Variants in CILK1 observed in about 807,000 individuals in gnomAD.
CILK1 encodes serine/threonine-protein kinase ICK.
A neutral mutation model predicts 79.2 loss-of-function variants in CILK1; 47 were observed. The observed-to-expected ratio is 0.59, with a 90% CI of 0.47 to 0.76. The LOEUF (loss-of-function observed/expected upper bound fraction) is 0.76, where lower values mean the gene tolerates loss of function less well. CILK1 is among the 30% of genes least tolerant of loss of function. The pLI, the probability that CILK1 is intolerant of heterozygous loss-of-function variation, is 0.00. For missense variants in CILK1, 660 were observed against 769.5 expected, an observed-to-expected ratio of 0.86 and a Z score of 1.68; for synonymous variants, 266 against 275.9, an observed-to-expected ratio of 0.96 and a Z score of 0.36.
At chr6:53,035,080 T>C (rs1211988226) in intron 3 of CILK1, among the ~76,000 whole-genome samples, 2 of 152,190 alleles carry the variant, frequency 1.3e-5, no homozygotes, top group Admixed American at 1.3e-4. Flanking sequence ...GCCACGTATA[T>C]ACCTGCTGAG....
At position 53,001,627 on chromosome 6, in the gene CILK1, G is replaced by A. The variant is rs778830670; in HGVS notation, c.*3522C>T. ...AGAAATTGATAATACAGATTAATGT[G>A]ATATTTACCTCTAGTTTGTTTTCCT... On this transcript the variant is annotated 3_prime_UTR_variant, in exon 14 of 14. Transcript: ENST00000676107. The A allele has an allele frequency of 6.6e-6, 1 of 152,526 alleles. No homozygotes were observed. The highest frequency in any genetic ancestry group is 2.4e-5 in the African/African-American group (1 of 41,364). The allele number at this position is 152,526 out of a possible 1,614,324, so 9.4% of individuals were successfully genotyped here. A position where few individuals can be genotyped will look rare whatever the true frequency, so the allele number is the denominator to read the frequency against.
chr6:53,006,486 G>A (rs1764229137), intron 12 of CILK1, 49 bp from the exon 13 acceptor site: 1 of 1,604,210 alleles, frequency 6.2e-7, no homozygotes, highest in African/African-American at 1.3e-5. Flanking sequence ...ATGTACCCAG[G>A]ACACCAACAA....
chr6:53,045,830 CAA>C (rs200914621), intron 1 of CILK1, among the ~76,000 whole-genome samples: 49 of 119,914 alleles, frequency 4.1e-4, no homozygotes, highest in Admixed American at 7.3e-4. Flanking sequence ...CTTGATTTGT[CAA>C]AAAAAAAAAA....
chr6:53,024,076 C>A (rs558645296), intron 5 of CILK1, among the ~76,000 whole-genome samples: 1 of 152,206 alleles, frequency 6.6e-6, no homozygotes, highest in African/African-American at 2.4e-5. Flanking sequence ...GAGACAGGCA[C>A]AGCAAGTTTG....
At chr6:53,013,151 T>C (rs1185572145) in intron 9 of CILK1, among the ~76,000 whole-genome samples, 2 of 152,222 alleles carry the variant, frequency 1.3e-5, no homozygotes, top group African/African-American at 4.8e-5. Context: ...TAATCTTCCT[T>C]TGATAAATGA....
At chr6:53,018,230 T>G (rs1765004203) in intron 7 of CILK1, 100 bp downstream of exon 7, 1 of 1,121,068 alleles carries the variant, frequency 8.9e-7, no homozygotes, top group South Asian at 1.2e-5. Flanking sequence ...GAGCCTAGAA[T>G]GGGCAGGTGC....
chr6:53,009,450 T>C lies in CILK1; in HGVS notation c.1610A>G (p.Lys537Arg). 4 of 1,614,156 alleles carry C rather than the reference T, an allele frequency of 2.5e-6. No homozygotes were observed. The highest frequency in any genetic ancestry group is 3.4e-6 in the Non-Finnish European group (4 of 1,179,992). The change falls in exon 12 of 14, where the codon AAA (lysine) becomes AGA (arginine). Residue 537 changes from lysine to arginine, a missense_variant. Transcript: ENST00000676107. ...KSSGTMSVISKVNSVGSSSTS... is the reference protein window; with the variant it reads ...KSSGTMSVISRVNSVGSSSTS... Reference sequence around the variant, plus strand: ...TGATCATTACTCACCTGAATTTACTTTGCTGATTACTGACATTGTCCCTGA... The same window carrying C: ...TGATCATTACTCACCTGAATTTACTCTGCTGATTACTGACATTGTCCCTGA...
rs1340657909 is a variant in CILK1 at position 53,019,350 on chromosome 6, T to G, written c.368A>C (p.His123Pro). Residue 123 changes from histidine (H) to proline (P), a missense_variant, in exon 6 of 14, where the codon CAT becomes CCT. Physicochemically the swap from His to Pro is moderately conservative, Grantham distance 77. Coordinates refer to ENST00000676107, the MANE Select transcript of CILK1 (RefSeq NM_014920.5). Reference protein sequence around the residue: ...LAFIHKHGFFHRDLKPENLLC... With the variant: ...LAFIHKHGFFPRDLKPENLLC... Reference sequence around the variant, plus strand: ...GAGGTTCTCAGGCTTTAAGTCTCGATGAAAGAAGCCTATAGAGACAGTAGA... The same window carrying G: ...GAGGTTCTCAGGCTTTAAGTCTCGAGGAAAGAAGCCTATAGAGACAGTAGA... 1.9e-6 allele frequency: 3 copies of G among 1,614,146 alleles called. No homozygotes were observed. The highest frequency in any genetic ancestry group is 2.5e-6 in the Non-Finnish European group (3 of 1,179,996).
intron 7 of CILK1, among the ~76,000 whole-genome samples, chr6:53,016,705 T>A (rs1764914648): frequency 6.6e-6 from 1 of 152,236 alleles, no homozygotes; most frequent in African/African-American, 2.4e-5. Context: ...AGTATACATG[T>A]GGAGAAAACC....
At position 53,031,132 on chromosome 6, in the gene CILK1, A is replaced by T; in HGVS notation, c.291T>A (p.Phe97Leu). Residue 97 changes from phenylalanine (F) to leucine (L), a missense_variant, in exon 5 of 14, where the codon TTT (phenylalanine) becomes TTA (leucine). Coordinates refer to ENST00000676107, the MANE Select transcript of CILK1 (RefSeq NM_014920.5). ...TGATATTCCTTATAGCAGACTCAGGAAACAACTTATTTCTGTATGAGGCAG... is the reference window on the plus strand; with the variant it reads ...TGATATTCCTTATAGCAGACTCAGGTAACAACTTATTTCTGTATGAGGCAG... ...YQLIKERNKL[F>L]PESAIRNIMY... 1 of 1,605,550 alleles carries T rather than the reference A, an allele frequency of 6.2e-7. No homozygotes were observed. Among genetic ancestry groups the T allele is most frequent in the Non-Finnish European group, 8.5e-7 (1 of 1,172,632 alleles).
At position 53,013,736 on chromosome 6, in the gene CILK1, G is replaced by T; in HGVS notation, c.1078C>A (p.His360Asn). ...PYKAEVSRTDHPSHLQEDKPS... is the reference protein window; with the variant it reads ...PYKAEVSRTDNPSHLQEDKPS... ...TTGTCCTCCTGGAGATGGCTTGGGT[G>T]ATCTGTCCTGGAGACCTCTGCTTTG... The change falls in exon 9 of 14, where the codon CAC becomes AAC. Residue 360 changes from histidine to asparagine, a missense_variant. Physicochemically the swap from His to Asn is moderately conservative, Grantham distance 68 (BLOSUM62 1). Transcript: ENST00000676107. The T allele has an allele frequency of 6.2e-7, 1 of 1,614,192 alleles. No individual in the cohort carries two copies. The highest frequency in any genetic ancestry group is 8.5e-7 in the Non-Finnish European group (1 of 1,180,036).
At position 53,041,409 on chromosome 6, in the gene CILK1, C is replaced by A. The variant is rs1195113596; in HGVS notation, c.-172-1G>T. 1 of 613,112 alleles carries A rather than the reference C, an allele frequency of 1.6e-6. No homozygotes were observed. The allele number at this position is 613,112 out of a possible 1,614,324, so 38.0% of individuals were successfully genotyped here. A position where few individuals can be genotyped will look rare whatever the true frequency, so the allele number is the denominator to read the frequency against. ...ATATTTCCAAAAATCAGTCTTCTGCCTGCAGAGAAAAATGAGAGACAAGGA... is the reference window on the plus strand; with the variant it reads ...ATATTTCCAAAAATCAGTCTTCTGCATGCAGAGAAAAATGAGAGACAAGGA... On this transcript the variant is annotated splice_acceptor_variant, in intron 1 of 13. Coordinates refer to ENST00000676107, the MANE Select transcript of CILK1 (RefSeq NM_014920.5). LOFTEE classifies it low-confidence loss of function (5UTR_SPLICE).
At chr6:53,040,548 C>G (rs1490282146) in intron 2 of CILK1, among the ~76,000 whole-genome samples, 2 of 152,222 alleles carry the variant, frequency 1.3e-5, no homozygotes, top group Non-Finnish European at 2.9e-5. Flanking sequence ...GGATGAGACC[C>G]CAGCTTTGGC....
chr6:53,032,460 A>T, intron 4 of CILK1, 73 bp downstream of exon 4: 1 of 1,017,426 alleles, frequency 9.8e-7, no homozygotes, highest in Non-Finnish European at 1.3e-6. Flanking sequence ...GAAAGAAAAC[A>T]CAAAAGCAGA....
In CILK1 at chr6:53,013,793, T is replaced by G; in HGVS notation, c.1021A>C (p.Ser341Arg). Residue 341 changes from serine (S) to arginine (R), a missense_variant, in exon 9 of 14, where the codon AGC becomes CGC. By Grantham distance (110) the Ser-to-Arg change is moderately radical. Coordinates refer to ENST00000676107, the MANE Select transcript of CILK1 (RefSeq NM_014920.5). ...TACGTGAGATGCAGAGGGGGCTGGC[T>G]GGCTTGATGCTGTCGTGAAGAAATT... ...TRISSRQHQA[S>R]QPPLHLTYPY... The G allele has an allele frequency of 6.2e-7, 1 of 1,614,122 alleles. No individual in the cohort carries two copies. The highest frequency in any genetic ancestry group is 8.5e-7 in the Non-Finnish European group (1 of 1,180,020).
At chr6:53,041,654 C>T (rs1419452625) in intron 1 of CILK1, among the ~76,000 whole-genome samples, 1 of 152,142 alleles carries the variant, frequency 6.6e-6, no homozygotes, top group African/African-American at 2.4e-5. Flanking sequence ...AACTTGATTC[C>T]CGGCTGGGGC....
chr6:53,037,079 T>C (rs953173909), intron 3 of CILK1, among the ~76,000 whole-genome samples: 14 of 152,238 alleles, frequency 9.2e-5, no homozygotes, highest in South Asian at 2.1e-4. Flanking sequence ...CAGGACCCCT[T>C]TGGAGAAAAA....
At chr6:53,060,218 A>C (rs1484423838) in intron 1 of CILK1, among the ~76,000 whole-genome samples, 2 of 152,232 alleles carry the variant, frequency 1.3e-5, no homozygotes, top group Non-Finnish European at 2.9e-5. Flanking sequence ...ATATCCTAGT[A>C]GTTCATTTAC....
At position 53,052,456 on chromosome 6, in the gene CILK1, G is replaced by A. The variant is rs1264287681; in HGVS notation, c.-173+9140C>T. On this transcript the variant is annotated intron_variant, in intron 1 of 13. Transcript: ENST00000676107. Reference sequence around the variant, plus strand: ...ATTTAAAAATAGGGAATTTCGGCAGGGCACAGTGGCTCACACCTGTAATCC... The same window carrying A: ...ATTTAAAAATAGGGAATTTCGGCAGAGCACAGTGGCTCACACCTGTAATCC... Among the ~76,000 whole-genome samples the A allele has an allele frequency of 2.0e-5, 3 of 152,080 alleles. No individual in the cohort carries two copies. The East Asian group carries it at 5.8e-4, about 29-fold the overall frequency.
Sources: gnomAD v4.1 joint callset for allele counts (sites outside exome capture counted in the v4.1 genomes callset) on GRCh38, gnomAD v4.1.1 for gene constraint, MANE v1.5 for transcripts, NCBI Gene and HGNC (gene_info 2026-07-23, HGNC 2026-07-21) for gene names.